RNLS: variants seen among roughly 807,000 people sequenced by gnomAD.
RNLS encodes renalase, FAD dependent amine oxidase, also known as renalase.
RNLS carries 39 observed loss-of-function variants against 39.8 expected under a neutral mutation model. That is an observed-to-expected ratio of 0.98 (90% CI 0.76 to 1.28). The LOEUF is 1.28. RNLS is among the 50% of genes most tolerant of loss of function. RNLS has a pLI of 0.00. For missense variants in RNLS, 410 were observed against 413.3 expected, an observed-to-expected ratio of 0.99 and a Z score of 0.07; for synonymous variants, 147 against 150.7, an observed-to-expected ratio of 0.98 and a Z score of 0.18.
At chr10:88,235,762 CTTTA>C in the RNLS span, among the ~76,000 whole-genome samples, 1 of 151,706 alleles carries the variant, frequency 6.6e-6, no homozygotes, top group Non-Finnish European at 1.5e-5. Flanking sequence ...ACTTTTTTCT[CTTTA>C]TTTTTCATAT....
At chr10:88,403,789 C>A (rs1853086693) in intron 4 of RNLS, among the ~76,000 whole-genome samples, 1 of 151,682 alleles carries the variant, frequency 6.6e-6, no homozygotes, top group Non-Finnish European at 1.5e-5. Flanking sequence ...AATCCAGGTG[C>A]TTTGCAAGGC....
intron 4 of RNLS, among the ~76,000 whole-genome samples, chr10:88,467,226 C>A (rs1206062275): frequency 6.6e-6 from 1 of 151,864 alleles, no homozygotes; most frequent in African/African-American, 2.4e-5. Flanking sequence ...TTGCCTGAAG[C>A]TTTCAGAAAA....
intron 4 of RNLS, among the ~76,000 whole-genome samples, chr10:88,415,623 A>C (rs1853968375): frequency 6.6e-6 from 1 of 152,174 alleles, no homozygotes; most frequent in Non-Finnish European, 1.5e-5. Context: ...CTTTAGGCCT[A>C]AGTTTTGCCA....
intron 4 of RNLS, among the ~76,000 whole-genome samples, chr10:88,366,700 A>T (rs1416595894): frequency 7.3e-6 from 1 of 137,122 alleles, no homozygotes; most frequent in Non-Finnish European, 1.6e-5. Flanking sequence ...AAGGAAATCC[A>T]CAGCAACCAA....
At chr10:88,550,685 TCTCA>T (rs1246121558) in intron 4 of RNLS, among the ~76,000 whole-genome samples, 1 of 152,220 alleles carries the variant, frequency 6.6e-6, no homozygotes, top group African/African-American at 2.4e-5. Flanking sequence ...AATATTTCTC[TCTCA>T]CTCACCCACA....
chr10:88,348,539 G>A (rs1848465804), intron 5 of RNLS, among the ~76,000 whole-genome samples: 1 of 152,128 alleles, frequency 6.6e-6, no homozygotes, highest in South Asian at 2.1e-4. Context: ...TAAGACTCAC[G>A]TTTTAGTATG....
intron 5 of RNLS, among the ~76,000 whole-genome samples, chr10:88,324,335 G>A (rs893991338): frequency 1.3e-5 from 2 of 150,868 alleles, no homozygotes; most frequent in Non-Finnish European, 2.9e-5. Flanking sequence ...ATCAAGCTAA[G>A]TGTCCATCAA....
At chr10:88,470,216 T>C (rs1477598116) in intron 4 of RNLS, among the ~76,000 whole-genome samples, 3 of 152,098 alleles carry the variant, frequency 2.0e-5, no homozygotes, top group Non-Finnish European at 2.9e-5. Context: ...TGCAGGTTTG[T>C]TATAGAGGTA....
At chr10:88,402,297 A>T (rs1236928714) in intron 4 of RNLS, among the ~76,000 whole-genome samples, 1 of 152,030 alleles carries the variant, frequency 6.6e-6, no homozygotes, top group Non-Finnish European at 1.5e-5. Flanking sequence ...CAGATGATGA[A>T]AGTATGCCAG....
chr10:88,558,389 A>C (rs1426387570), intron 4 of RNLS, among the ~76,000 whole-genome samples: 1 of 152,192 alleles, frequency 6.6e-6, no homozygotes, highest in Non-Finnish European at 1.5e-5. Flanking sequence ...AGTGCTTAAC[A>C]TAAGTATTCA....
At chr10:88,319,941 C>T (rs560385813) in intron 5 of RNLS, among the ~76,000 whole-genome samples, 100 of 151,978 alleles carry the variant, frequency 6.6e-4, no homozygotes, top group Non-Finnish European at 1.3e-3. Flanking sequence ...TTAGAAAACT[C>T]TCGCAAGATA....
At chr10:88,422,236 A>C (rs1051844504) in intron 4 of RNLS, among the ~76,000 whole-genome samples, 8 of 152,288 alleles carry the variant, frequency 5.3e-5, no homozygotes, top group East Asian at 1.9e-4. Context: ...CTTATATCTT[A>C]CCTTGTTTTC....
At chr10:88,233,287 G>T in the RNLS span, among the ~76,000 whole-genome samples, 72,237 of 151,796 alleles carry the variant, frequency 0.48, 17,299 homozygotes, top group East Asian at 0.57. Flanking sequence ...AGCTGGTTAA[G>T]GGGGAGCAGT....
chr10:88,233,759 G>A, the RNLS span, among the ~76,000 whole-genome samples: 7 of 152,200 alleles, frequency 4.6e-5, no homozygotes, highest in Non-Finnish European at 1.0e-4. Context: ...AATCCAACAG[G>A]TTATTTTATT....
chr10:88,272,283 T>G (rs780806724), downstream of RNLS, among the ~76,000 whole-genome samples: 1 of 152,218 alleles, frequency 6.6e-6, no homozygotes, highest in Non-Finnish European at 1.5e-5. Context: ...AGTTACTGTT[T>G]CCATGTGTCA....
chr10:88,267,553 C>A, the RNLS span, among the ~76,000 whole-genome samples: 6 of 152,298 alleles, frequency 3.9e-5, no homozygotes, highest in South Asian at 1.2e-3. Context: ...CCAGCTTGGG[C>A]AACAGAGTGA....
Position 88,362,709 on chromosome 10 carries a change from T to C in RNLS, c.543A>G (p.Gln181=). The C allele has an allele frequency of 6.2e-7, 1 of 1,613,386 alleles. No homozygotes were observed. Among genetic ancestry groups the C allele is most frequent in the Non-Finnish European group, 8.5e-7 (1 of 1,179,740 alleles). The change falls in exon 5 of 7, where the codon CAA becomes CAG. Residue 181 remains glutamine, a synonymous_variant. Coordinates refer to ENST00000331772, the MANE Select transcript of RNLS (RefSeq NM_001031709.3). The part of the protein sequence containing the change: ...GDITTLISEC[Q]RQQLEAVSYS... ...AGCTCACAGCCTCCAGTTGCTGCCT[T>C]TGGCATTCACTAATTACTGTGGAAG...
chr10:88,389,644 C>T (rs1228258923), intron 4 of RNLS, among the ~76,000 whole-genome samples: 1 of 151,816 alleles, frequency 6.6e-6, no homozygotes, highest in East Asian at 1.9e-4. Context: ...CCATGGTGCC[C>T]TCTGGTGGAA....
intron 4 of RNLS, among the ~76,000 whole-genome samples, chr10:88,470,702 A>G (rs1843472637): frequency 1.4e-5 from 2 of 146,882 alleles, no homozygotes; most frequent in Non-Finnish European, 3.0e-5. Context: ...TGCAACCTCC[A>G]CCTCCTGGAT....
Sources: allele counts gnomAD v4.1 joint callset (sites outside exome capture counted in the v4.1 genomes callset), GRCh38; gene constraint gnomAD v4.1.1; transcripts MANE v1.5; gene names NCBI Gene and HGNC (gene_info 2026-07-23, HGNC 2026-07-21).